The following DNAAF11 variants were observed in gnomAD, a reference collection of about 807,000 sequenced individuals.
DNAAF11 encodes dynein axonemal assembly factor 11, also known as leucine rich repeat containing 6.
In DNAAF11, 45 loss-of-function variants were observed where a neutral mutation model predicts 60.8. That is an observed-to-expected ratio of 0.74 (90% CI 0.58 to 0.95). The LOEUF (loss-of-function observed/expected upper bound fraction) is 0.95, where lower values mean the gene tolerates loss of function less well. Among genes scored for constraint, DNAAF11 ranks in the 40% least tolerant of loss-of-function variants. DNAAF11 has a pLI of 0.00. For synonymous variants in DNAAF11, 191 were observed against 183.5 expected (o/e 1.04, Z -0.33); for missense variants, 546 against 546.2 (o/e 1.00, Z 0.00).
intron 11 of DNAAF11, among the ~76,000 whole-genome samples, chr8:132,582,531 A>G (rs1447444163): frequency 1.3e-5 from 2 of 152,240 alleles, no homozygotes; most frequent in Non-Finnish European, 2.9e-5. Flanking sequence ...TATTCATAAT[A>G]GACATAATAC....
chr8:132,680,647 G>T, the DNAAF11 span, among the ~76,000 whole-genome samples: 1 of 152,010 alleles, frequency 6.6e-6, no homozygotes, highest in African/African-American at 2.4e-5. Context: ...ACGACTACAA[G>T]TCTCAGTTCC....
intron 7 of DNAAF11, among the ~76,000 whole-genome samples, chr8:132,621,648 A>G (rs4394372): frequency 0.089 from 13,515 of 151,494 alleles, 1,671 homozygotes; most frequent in African/African-American, 0.28. Flanking sequence ...AAACCTGTTA[A>G]CAGTCATTGC....
At chr8:132,675,185 C>T in intron 1 of DNAAF11, 1 of 393,834 alleles carries the variant, frequency 2.5e-6, no homozygotes, top group Non-Finnish European at 4.6e-6. Flanking sequence ...AAAACCCCTG[C>T]ACGTTCCCCG....
intron 10 of DNAAF11, among the ~76,000 whole-genome samples, chr8:132,591,179 C>T (rs1340264693): frequency 6.6e-6 from 1 of 152,078 alleles, no homozygotes; most frequent in East Asian, 1.9e-4. Context: ...AAGATTAAAT[C>T]ATTTCCTATT....
chr8:132,649,858 T>C (rs138762113), intron 3 of DNAAF11, among the ~76,000 whole-genome samples: 3 of 152,286 alleles, frequency 2.0e-5, no homozygotes, highest in African/African-American at 7.2e-5. Context: ...CATTAAAACA[T>C]CAAGAAACAA....
chr8:132,592,722 G>A (rs139805429), intron 10 of DNAAF11, among the ~76,000 whole-genome samples: 1 of 152,252 alleles, frequency 6.6e-6, no homozygotes, highest in Non-Finnish European at 1.5e-5. Flanking sequence ...TAGTAATAAG[G>A]TAAGAGATGA....
At chr8:132,615,836 G>T (rs867462503) in intron 7 of DNAAF11, among the ~76,000 whole-genome samples, 2 of 152,132 alleles carry the variant, frequency 1.3e-5, no homozygotes, top group African/African-American at 4.8e-5. Flanking sequence ...TTCAGTTACT[G>T]TATTACTCTA....
chr8:132,658,423 C>T (rs1823794004), intron 2 of DNAAF11, among the ~76,000 whole-genome samples: 1 of 152,068 alleles, frequency 6.6e-6, no homozygotes, highest in Non-Finnish European at 1.5e-5. Context: ...CCCGGGTTCA[C>T]ACCATTCTCC....
intron 10 of DNAAF11, among the ~76,000 whole-genome samples, chr8:132,602,210 T>G (rs1003303440): frequency 6.6e-6 from 1 of 152,166 alleles, no homozygotes; most frequent in Non-Finnish European, 1.5e-5. Context: ...AAACCACTTT[T>G]GTATTTTCTG....
At chr8:132,686,262 A>G in the DNAAF11 span, among the ~76,000 whole-genome samples, 2 of 152,110 alleles carry the variant, frequency 1.3e-5, no homozygotes, top group East Asian at 3.9e-4. Flanking sequence ...GCAAAAAATT[A>G]TTAGACTGGG....
chr8:132,609,779 T>C (rs1402007281), intron 10 of DNAAF11, among the ~76,000 whole-genome samples: 1 of 152,176 alleles, frequency 6.6e-6, no homozygotes, highest in African/African-American at 2.4e-5. Flanking sequence ...CTTTCTCCTA[T>C]CTTGATACAA....
At chr8:132,667,540 A>G (rs1431680620) in intron 1 of DNAAF11, among the ~76,000 whole-genome samples, 1 of 152,256 alleles carries the variant, frequency 6.6e-6, no homozygotes, top group African/African-American at 2.4e-5. Context: ...AAGGCACAAT[A>G]TAAAACATAT....
chr8:132,645,855 A>G (rs112516525), intron 3 of DNAAF11, among the ~76,000 whole-genome samples: 4 of 152,140 alleles, frequency 2.6e-5, no homozygotes, highest in African/African-American at 2.4e-5. Flanking sequence ...CCAAATCTAC[A>G]TCTGATTGGT....
intron 5 of DNAAF11, among the ~76,000 whole-genome samples, chr8:132,627,274 A>G (rs975511416): frequency 3.3e-5 from 5 of 152,204 alleles, no homozygotes; most frequent in African/African-American, 9.6e-5. Flanking sequence ...TTGCAATCTA[A>G]AATAATAATT....
At chr8:132,593,002 G>T (rs1266217827) in intron 10 of DNAAF11, among the ~76,000 whole-genome samples, 1 of 151,826 alleles carries the variant, frequency 6.6e-6, no homozygotes, top group Non-Finnish European at 1.5e-5. Flanking sequence ...CAATGGATAA[G>T]ATCAATCAGG....
chr8:132,615,050 A>G lies in DNAAF11; in HGVS notation c.962T>C (p.Leu321Pro). 1 of 1,600,054 alleles carries G rather than the reference A, an allele frequency of 6.2e-7. No individual in the cohort carries two copies. The highest frequency in any genetic ancestry group is 8.6e-7 in the Non-Finnish European group (1 of 1,168,462). Residue 321 changes from leucine (L) to proline (P), a missense_variant, in exon 8 of 12, where the codon CTT becomes CCT. Physicochemically the swap from Leu to Pro is moderately conservative, Grantham distance 98. Transcript: ENST00000620350. The part of the protein sequence containing the change: ...KDNEKQIILD[L>P]AVYRYMDTSL... ...AAAATGTCTTTACCTATAGACAGCAAGGTCCAGGATGATCTGCTTTTCGTT... is the reference window on the plus strand; with the variant it reads ...AAAATGTCTTTACCTATAGACAGCAGGGTCCAGGATGATCTGCTTTTCGTT...
the DNAAF11 span, among the ~76,000 whole-genome samples, chr8:132,694,412 G>A: frequency 6.6e-6 from 1 of 152,090 alleles, no homozygotes; most frequent in Non-Finnish European, 1.5e-5. Flanking sequence ...GAAGATGCAG[G>A]GAGAAGATGG....
At chr8:132,657,520 TG>T (rs888383127) in intron 2 of DNAAF11, among the ~76,000 whole-genome samples, 3 of 152,152 alleles carry the variant, frequency 2.0e-5, no homozygotes, top group African/African-American at 7.2e-5. Flanking sequence ...GACTTAAAGT[TG>T]GGTAAGATAA....
intron 4 of DNAAF11, among the ~76,000 whole-genome samples, chr8:132,636,047 T>A (rs1410195871): frequency 6.6e-6 from 1 of 151,808 alleles, no homozygotes; most frequent in Non-Finnish European, 1.5e-5. Flanking sequence ...AGATGATACA[T>A]TTCTGTTGTC....
Sources: gnomAD v4.1 joint callset for allele counts (sites outside exome capture counted in the v4.1 genomes callset) on GRCh38, gnomAD v4.1.1 for gene constraint, MANE v1.5 for transcripts, NCBI Gene and HGNC (gene_info 2026-07-23, HGNC 2026-07-21) for gene names.